RNF212: variants seen among roughly 807,000 people sequenced by gnomAD.
RNF212 encodes probable E3 SUMO-protein ligase RNF212.
In RNF212, 33 loss-of-function variants were observed where a neutral mutation model predicts 34.7. The ratio of observed to expected loss-of-function variants is 0.95; its 90% confidence interval spans 0.72 to 1.27. The LOEUF (loss-of-function observed/expected upper bound fraction) is 1.27. RNF212 is among the 50% of genes most tolerant of loss of function. RNF212 has a pLI of 0.00. For missense variants in RNF212, 377 were observed against 362.2 expected, an observed-to-expected ratio of 1.04 and a Z score of -0.33; for synonymous variants, 140 against 136.1, an observed-to-expected ratio of 1.03 and a Z score of -0.20.
chr4:1,069,128 T>C (rs559347018), downstream of RNF212, among the ~76,000 whole-genome samples: 9 of 152,168 alleles, frequency 5.9e-5, no homozygotes, highest in East Asian at 1.5e-3. Flanking sequence ...CAAGAATCGC[T>C]TGAACCTGGG....
chr4:1,106,249 T>TACACACACACACACACACAC (rs35166968), intron 2 of RNF212, among the ~76,000 whole-genome samples: 1 of 145,948 alleles, frequency 6.9e-6, no homozygotes, highest in African/African-American at 2.5e-5. Context: ...CAATTTTACT[T>TACACACACACACACACACAC]ACACACACAC....
intron 2 of RNF212, among the ~76,000 whole-genome samples, chr4:1,098,455 G>A (rs963114126): frequency 6.6e-6 from 1 of 152,206 alleles, no homozygotes; most frequent in Non-Finnish European, 1.5e-5. Context: ...GGCTCCCAGA[G>A]GCAGAGGCCA....
chr4:1,101,292 TAA>T (rs1384692535), intron 2 of RNF212: 3 of 332,874 alleles, frequency 9.0e-6, no homozygotes, highest in African/African-American at 6.5e-5. Context: ...TGATTTTCCA[TAA>T]TTGTATTGTT....
chr4:1,058,290 A>AAGAGGGTGCTTGCGGGGGTTAGAACGCT (rs1560086786), intron 4 of RNF212: 2 of 366,286 alleles, frequency 5.5e-6, no homozygotes, highest in Admixed American at 7.0e-5. Context: ...GTTAGAACGC[A>AAGAGGGTGCTTGCGGGGGTTAGAACGCT]GTGAAGAAGG....
At chr4:1,086,589 T>G (rs1368605710) in intron 4 of RNF212, among the ~76,000 whole-genome samples, 1 of 33,538 alleles carries the variant, frequency 3.0e-5, no homozygotes, top group Non-Finnish European at 5.5e-5. Flanking sequence ...GAGGATGGCA[T>G]GAGGGTGGCA....
At chr4:1,070,877 T>G (rs1718430650), downstream of RNF212, among the ~76,000 whole-genome samples, 1 of 151,950 alleles carries the variant, frequency 6.6e-6, no homozygotes, top group East Asian at 1.9e-4. Context: ...TGTTGGAGTT[T>G]TGTTTTTTTT....
chr4:1,083,220 G>A (rs752528075), intron 5 of RNF212, among the ~76,000 whole-genome samples: 1 of 152,186 alleles, frequency 6.6e-6, no homozygotes, highest in Non-Finnish European at 1.5e-5. Flanking sequence ...ATCAGGTAAG[G>A]AAAATAAAAA....
At chr4:1,081,118 G>A (rs752866811) in intron 7 of RNF212, among the ~76,000 whole-genome samples, 14 of 152,226 alleles carry the variant, frequency 9.2e-5, no homozygotes, top group South Asian at 2.1e-4. Flanking sequence ...GTCAGCTGCC[G>A]GGCACTGGAA....
intron 5 of RNF212, among the ~76,000 whole-genome samples, chr4:1,084,287 T>C (rs965633484): frequency 1.3e-5 from 2 of 152,130 alleles, no homozygotes; most frequent in Non-Finnish European, 2.9e-5. Flanking sequence ...TTTCCTCTTG[T>C]GATGCTTTAA....
chr4:1,086,480 G>A (rs1226085963), intron 4 of RNF212, among the ~76,000 whole-genome samples: 2 of 147,296 alleles, frequency 1.4e-5, no homozygotes, highest in Admixed American at 6.8e-5. Context: ...AACAAAATCT[G>A]AGCCCAGGCT....
chr4:1,106,296 T>C (rs1040879130), intron 2 of RNF212, among the ~76,000 whole-genome samples: 1 of 134,276 alleles, frequency 7.4e-6, no homozygotes, highest in African/African-American at 2.8e-5. Flanking sequence ...ACACAGTCAC[T>C]CAGACACAGA....
intron 3 of RNF212, among the ~76,000 whole-genome samples, chr4:1,092,697 C>T (rs1449531887): frequency 3.3e-5 from 5 of 152,248 alleles, no homozygotes; most frequent in African/African-American, 1.2e-4. Context: ...TCCAGGGCTG[C>T]GATGGTCACA....
intron 4 of RNF212, among the ~76,000 whole-genome samples, chr4:1,086,879 G>T: frequency 1.5e-4 from 1 of 6,730 alleles, no homozygotes. Context: ...GACAGGGGTA[G>T]GGATGAGGGG....
At chr4:1,101,230 C>A in intron 2 of RNF212, 1 of 315,476 alleles carries the variant, frequency 3.2e-6, no homozygotes. Flanking sequence ...CATCTCTACA[C>A]ACCCCATCTT....
downstream of RNF212, among the ~76,000 whole-genome samples, chr4:1,070,182 G>A (rs149561628): frequency 0.014 from 2,123 of 150,318 alleles, 18 homozygotes; most frequent in African/African-American, 0.049. Context: ...CCTGGCCTGA[G>A]TTGTGGGTGG....
At chr4:1,094,986 T>G (rs1261269184) in intron 3 of RNF212, among the ~76,000 whole-genome samples, 1 of 152,218 alleles carries the variant, frequency 6.6e-6, no homozygotes, top group Non-Finnish European at 1.5e-5. Flanking sequence ...ACAGAAATAT[T>G]TTGGCAGAAA....
Position 1,091,953 on chromosome 4 carries a change from C to A in RNF212, c.247-1115G>T, listed in dbSNP as rs141310035. 1.8e-3 allele frequency among the ~76,000 whole-genome samples: 273 copies of A among 152,348 alleles called. 7 individuals carry two copies. The South Asian group carries it at 0.049, about 27-fold the overall frequency. Reference sequence around the variant, plus strand: ...GAAGGACTCCGCAGGTTGCCCTGACCCCAGCTCTTGTGCACATTGCAGGCC... The same window carrying A: ...GAAGGACTCCGCAGGTTGCCCTGACACCAGCTCTTGTGCACATTGCAGGCC... On this transcript the variant is annotated intron_variant, in intron 3 of 9. Transcript: ENST00000433731.
rs147285678 is a variant in RNF212, at chr4:1,065,471, G to A, written n.148-7078C>T. On this transcript the variant is annotated intron_variant and non_coding_transcript_variant, in intron 3 of 4. Transcript: ENST00000503206. ...ACTTCTTTGTCCATTCTCCTCTCTC[G>A]TTTTCTTTTTTCTTGAGACAGGGTC... Among the ~76,000 whole-genome samples the A allele has an allele frequency of 5.2e-3, 794 of 152,142 alleles. 6 individuals carry two copies. The highest frequency in any genetic ancestry group is 7.6e-3 in the Non-Finnish European group (519 of 68,006).
chr4:1,086,305 G>A (rs933633637), intron 4 of RNF212, among the ~76,000 whole-genome samples: 1 of 151,954 alleles, frequency 6.6e-6, no homozygotes, highest in Non-Finnish European at 1.5e-5. Context: ...CTCATCCCAC[G>A]GCACAGCCTC....
Sources: gnomAD v4.1 joint callset for allele counts (sites outside exome capture counted in the v4.1 genomes callset) on GRCh38, gnomAD v4.1.1 for gene constraint, MANE v1.5 for transcripts, NCBI Gene and HGNC (gene_info 2026-07-23, HGNC 2026-07-21) for gene names.